OR2G6: variants seen among roughly 807,000 people sequenced by gnomAD.
The protein encoded by OR2G6 is olfactory receptor 2G6.
For missense variants in OR2G6, 457 were observed against 391.3 expected, an observed-to-expected ratio of 1.17 and a Z score of -1.42; for synonymous variants, 183 against 155.2, an observed-to-expected ratio of 1.18 and a Z score of -1.33.
In OR2G6 at chr1:248,524,654, G is replaced by GAACA; in HGVS notation, c.*2058_*2061dup. 1 of 152,242 alleles carries GAACA rather than the reference G, an allele frequency of 6.6e-6. No individual in the cohort carries two copies. Among genetic ancestry groups the GAACA allele is most frequent in the East Asian group, 1.9e-4 (1 of 5,186 alleles). 9.4% of individuals were successfully genotyped at this position (152,242 alleles called of 1,614,324 possible). On this transcript the variant is annotated 3_prime_UTR_variant, in exon 2 of 2. Transcript: ENST00000641804. Reference sequence around the variant, plus strand: ...ACAACCATGTGTAAAGCAATGATATGAACACAATATGTAGAAAAACCTACA... The same window carrying GAACA: ...ACAACCATGTGTAAAGCAATGATATGAACAAACACAATATGTAGAAAAACCTACA...
Position 248,521,669 on chromosome 1 carries a change from C to T in OR2G6, c.23C>T (p.Ser8Phe), listed in dbSNP as rs764665907. 5 of 1,613,692 alleles carry T rather than the reference C, an allele frequency of 3.1e-6. No homozygotes were observed. In the South Asian group the frequency reaches 5.5e-5, roughly 18 times the overall value. MEETNNS[S>F]EKGFLLLGFS... ...AAAATGGAGGAAACCAACAACAGCT[C>T]TGAAAAGGGATTTCTTCTCCTGGGA... Residue 8 changes from serine to phenylalanine, a missense_variant, in exon 2 of 2, where the codon TCT (serine) becomes TTT (phenylalanine). Coordinates refer to ENST00000641804, the MANE Select transcript of OR2G6 (RefSeq NM_001013355.2).
At chr1:248,519,600 A>G (rs972179284) in intron 1 of OR2G6, among the ~76,000 whole-genome samples, 1 of 151,910 alleles carries the variant, frequency 6.6e-6, no homozygotes, top group Admixed American at 6.6e-5. Flanking sequence ...TTTTTTTCCC[A>G]TTGCTTGTTT....
chr1:248,522,407 C>G lies in OR2G6; in HGVS notation c.761C>G (p.Thr254Ser). ...HLVVVIIFYG[T>S]IIFMYLQPAN... The stretch of plus-strand genomic sequence containing the variant: ...GTTGTGGTCATCATTTTCTATGGGA[C>G]CATCATATTCATGTACCTTCAACCG... The change falls in exon 2 of 2, where the codon ACC becomes AGC. Residue 254 changes from threonine (T) to serine (S), a missense_variant. By Grantham distance (58) the Thr-to-Ser change is moderately conservative. Coordinates refer to ENST00000641804, the MANE Select transcript of OR2G6 (RefSeq NM_001013355.2). 3 of 1,614,132 alleles carry G rather than the reference C, an allele frequency of 1.9e-6. No individual in the cohort carries two copies. Among genetic ancestry groups the G allele is most frequent in the Non-Finnish European group, 2.5e-6 (3 of 1,180,024 alleles).
Position 248,524,816 on chromosome 1 carries a change from A to G in OR2G6, c.*2219A>G, listed in dbSNP as rs1044242593. 1.3e-5 allele frequency: 2 copies of G among 152,238 alleles called. No individual in the cohort carries two copies. Among genetic ancestry groups the G allele is most frequent in the African/African-American group, 2.4e-5 (1 of 41,458 alleles). The allele number at this position is 152,238 out of a possible 1,614,324, so 9.4% of individuals were successfully genotyped here. A position where few individuals can be genotyped will look rare whatever the true frequency, so the allele number is the denominator to read the frequency against. Reference sequence around the variant, plus strand: ...CAAACATAATTCAGAAAAAAATAGAATATCTGCTTATTGCTGAAATTAGCA... The same window carrying G: ...CAAACATAATTCAGAAAAAAATAGAGTATCTGCTTATTGCTGAAATTAGCA... On this transcript the variant is annotated 3_prime_UTR_variant, in exon 2 of 2. Transcript: ENST00000641804.
In OR2G6 at chr1:248,521,820, A is replaced by G. The variant is rs1420248465; in HGVS notation, c.174A>G (p.Pro58=). ...VCCLDSRLHT[P]MYFFLSNLSC... ...GTCTGGACTCCAGACTCCACACTCC[A>G]ATGTACTTCTTCCTCAGCAACCTCT... Residue 58 remains proline (P), a synonymous_variant, in exon 2 of 2, where the codon CCA becomes CCG. Coordinates refer to ENST00000641804, the MANE Select transcript of OR2G6 (RefSeq NM_001013355.2). 6.2e-7 allele frequency: 1 copy of G among 1,613,936 alleles called. No individual in the cohort carries two copies. The highest frequency in any genetic ancestry group is 1.3e-5 in the African/African-American group (1 of 74,898).
chr1:248,508,805 G>A (rs2103057941), intron 1 of OR2G6, among the ~76,000 whole-genome samples: 1 of 52,120 alleles, frequency 1.9e-5, no homozygotes, highest in African/African-American at 1.6e-4. Flanking sequence ...AAACTGATAT[G>A]ATTTTGCTCT....
Position 248,522,292 on chromosome 1 carries a change from GT to G in OR2G6, c.647del (p.Val216AlafsTer11), listed in dbSNP as rs1664307621. Reference sequence around the variant, plus strand: ...AATTGTCCCGGTGTTACTCATCTTAGTCTCCTATGGCTTTATCACTCAAGCT... The same window carrying G: ...AATTGTCCCGGTGTTACTCATCTTAGCTCCTATGGCTTTATCACTCAAGCT... ...FLIVPVLLIL[V>X]SYGFITQAVL... On this transcript the variant is annotated frameshift_variant, in exon 2 of 2. Transcript: ENST00000641804. LOFTEE classifies it low-confidence loss of function (END_TRUNC). 2 of 1,614,034 alleles carry G rather than the reference GT, an allele frequency of 1.2e-6. No individual in the cohort carries two copies. Among genetic ancestry groups the G allele is most frequent in the African/African-American group, 1.3e-5 (1 of 74,916 alleles).
rs745433710 is a variant in OR2G6 at position 248,521,924 on chromosome 1, G to A, written c.278G>A (p.Ser93Asn). The part of the protein sequence containing the change: ...VTMNKKDKTM[S>N]YGGCVAQLYV... ...ATGAATAAGAAAGACAAAACCATGA[G>A]CTACGGTGGCTGTGTGGCCCAGCTC... The change falls in exon 2 of 2, where the codon AGC (serine) becomes AAC (asparagine). Residue 93 changes from serine (S) to asparagine (N), a missense_variant. Coordinates refer to ENST00000641804, the MANE Select transcript of OR2G6 (RefSeq NM_001013355.2). 1.2e-6 allele frequency: 2 copies of A among 1,614,160 alleles called. No individual in the cohort carries two copies. The highest frequency in any genetic ancestry group is 3.3e-5 in the Admixed American group (2 of 60,016).
rs144834742 is a variant in OR2G6 at position 248,522,234 on chromosome 1, G to A, written c.588G>A (p.Glu196=). 1 of 1,614,158 alleles carries A rather than the reference G, an allele frequency of 6.2e-7. No individual in the cohort carries two copies. Among genetic ancestry groups the A allele is most frequent in the Non-Finnish European group, 8.5e-7 (1 of 1,180,034 alleles). Residue 196 remains glutamate (E), a synonymous_variant, in exon 2 of 2, where the codon GAG becomes GAA. Coordinates refer to ENST00000641804, the MANE Select transcript of OR2G6 (RefSeq NM_001013355.2). ...KLACVDTTFN[E]AELFVASVVF... is the part of the protein sequence containing the mutation. ...CCTGTGTGGATACGACTTTCAACGA[G>A]GCAGAACTCTTTGTGGCCAGTGTAG...
rs1480361615 is a variant in OR2G6, at chr1:248,522,410, T to C, written c.764T>C (p.Ile255Thr). Reference sequence around the variant, plus strand: ...GTGGTCATCATTTTCTATGGGACCATCATATTCATGTACCTTCAACCGGCC... The same window carrying C: ...GTGGTCATCATTTTCTATGGGACCACCATATTCATGTACCTTCAACCGGCC... ...LVVVIIFYGT[I>T]IFMYLQPANR... Residue 255 changes from isoleucine to threonine, a missense_variant, in exon 2 of 2, where the codon ATC becomes ACC. Transcript: ENST00000641804. The C allele has an allele frequency of 6.2e-7, 1 of 1,614,174 alleles. No individual in the cohort carries two copies. Among genetic ancestry groups the C allele is most frequent in the Non-Finnish European group, 8.5e-7 (1 of 1,180,024 alleles).
rs142784594 is a variant in OR2G6, at chr1:248,522,222, G to T, written c.576G>T (p.Thr192=). The T allele has an allele frequency of 6.2e-7, 1 of 1,614,110 alleles. No individual in the cohort carries two copies. Among genetic ancestry groups the T allele is most frequent in the Non-Finnish European group, 8.5e-7 (1 of 1,180,014 alleles). The change falls in exon 2 of 2, where the codon ACG becomes ACT. Residue 192 remains threonine, a synonymous_variant. Coordinates refer to ENST00000641804, the MANE Select transcript of OR2G6 (RefSeq NM_001013355.2). ...PVLIKLACVD[T]TFNEAELFVA... is the part of the protein sequence containing the mutation. ...TCATCAAACTGGCCTGTGTGGATAC[G>T]ACTTTCAACGAGGCAGAACTCTTTG...
chr1:248,519,490 T>A (rs904252721), intron 1 of OR2G6, among the ~76,000 whole-genome samples: 1 of 151,828 alleles, frequency 6.6e-6, no homozygotes, highest in Non-Finnish European at 1.5e-5. Context: ...CTTTAATCTA[T>A]CTTGAGTTAA....
At chr1:248,520,978 T>C (rs1664272134) in intron 1 of OR2G6, among the ~76,000 whole-genome samples, 1 of 147,338 alleles carries the variant, frequency 6.8e-6, no homozygotes, top group African/African-American at 2.5e-5. Context: ...TGGGAGGTGG[T>C]TTGCAGTGAG....
chr1:248,521,892 G>A lies in OR2G6; in HGVS notation c.246G>A (p.Leu82=). ...CCACCAGTGTTGCCCCACAGTTGCTGGTTACCATGAATAAGAAAGACAAAA... is the reference window on the plus strand; with the variant it reads ...CCACCAGTGTTGCCCCACAGTTGCTAGTTACCATGAATAAGAAAGACAAAA... ...CFTTSVAPQL[L]VTMNKKDKTM... is the part of the protein sequence containing the mutation. Residue 82 remains leucine, a synonymous_variant, in exon 2 of 2, where the codon CTG becomes CTA. Transcript: ENST00000641804. The A allele has an allele frequency of 6.2e-7, 1 of 1,614,152 alleles. No individual in the cohort carries two copies. Among genetic ancestry groups the A allele is most frequent in the African/African-American group, 1.3e-5 (1 of 75,042 alleles).
Position 248,524,926 on chromosome 1 carries a change from T to C in OR2G6, c.*2329T>C, listed in dbSNP as rs1664363608. On this transcript the variant is annotated 3_prime_UTR_variant, in exon 2 of 2. Transcript: ENST00000641804. ...GGCAAAGCAACCTAAAAAAACTACT[T>C]AACTGCAGATGAAAATGGGAACACA... The C allele has an allele frequency of 6.6e-6, 1 of 152,134 alleles. No individual in the cohort carries two copies. The highest frequency in any genetic ancestry group is 2.4e-5 in the African/African-American group (1 of 41,436). The allele number at this position is 152,134 out of a possible 1,614,324, so 9.4% of individuals were successfully genotyped here.
Position 248,525,352 on chromosome 1 carries a change from C to T in OR2G6, c.*2755C>T, listed in dbSNP as rs371095656. The T allele has an allele frequency of 6.6e-6, 1 of 152,084 alleles. No individual in the cohort carries two copies. Among genetic ancestry groups the T allele is most frequent in the Non-Finnish European group, 1.5e-5 (1 of 68,012 alleles). The allele number at this position is 152,084 out of a possible 1,614,324, so 9.4% of individuals were successfully genotyped here. ...AAAAAACTATCACTTAGTTAAATGA[C>T]CATTCAGTATTGCAATTATTTAAAA... On this transcript the variant is annotated 3_prime_UTR_variant, in exon 2 of 2. Coordinates refer to ENST00000641804, the MANE Select transcript of OR2G6 (RefSeq NM_001013355.2).
At chr1:248,520,698 C>T (rs1664263882) in intron 1 of OR2G6, among the ~76,000 whole-genome samples, 1 of 151,878 alleles carries the variant, frequency 6.6e-6, no homozygotes, top group Non-Finnish European at 1.5e-5. Flanking sequence ...CATGGTGAAA[C>T]ACCATTTGTA....
At chr1:248,520,323 C>T (rs755057230) in intron 1 of OR2G6, among the ~76,000 whole-genome samples, 18 of 152,096 alleles carry the variant, frequency 1.2e-4, no homozygotes, top group Non-Finnish European at 2.1e-4. Context: ...AAATACCTAA[C>T]ATAGATGACA....
At position 248,522,269 on chromosome 1, in the gene OR2G6, T is replaced by A; in HGVS notation, c.623T>A (p.Ile208Asn). ...TTTGTGGCCAGTGTAGTCTTTCTAA[T>A]TGTCCCGGTGTTACTCATCTTAGTC... ...ELFVASVVFL[I>N]VPVLLILVSY... The change falls in exon 2 of 2, where the codon ATT becomes AAT. Residue 208 changes from isoleucine (I) to asparagine (N), a missense_variant. By Grantham distance (149) the Ile-to-Asn change is moderately radical (BLOSUM62 -3). Coordinates refer to ENST00000641804, the MANE Select transcript of OR2G6 (RefSeq NM_001013355.2). 6.2e-7 allele frequency: 1 copy of A among 1,614,168 alleles called. No homozygotes were observed. Among genetic ancestry groups the A allele is most frequent in the Non-Finnish European group, 8.5e-7 (1 of 1,180,006 alleles).
Sources: gnomAD v4.1 joint callset for allele counts (sites outside exome capture counted in the v4.1 genomes callset) on GRCh38, gnomAD v4.1.1 for gene constraint, MANE v1.5 for transcripts, NCBI Gene and HGNC (gene_info 2026-07-23, HGNC 2026-07-21) for gene names.